Variants in PRR33 observed in about 807,000 individuals in gnomAD.
PRR33 encodes proline rich 33, also known as proline-rich protein 33.
In PRR33, 1 loss-of-function variant was observed where a neutral mutation model predicts 0.5. That is an observed-to-expected ratio of 2.18 (90% CI 0.77 to 10.34). The LOEUF is 10.34. Among genes scored for constraint, PRR33 ranks in the 30% most tolerant of loss-of-function variants. PRR33 has a pLI of 0.13. For synonymous variants in PRR33, 226 were observed against 110.0 expected (o/e 2.06, Z -6.60); for missense variants, 552 against 251.8 (o/e 2.19, Z -8.07).
At chr11:1,893,912 G>A (rs1426952969), upstream of PRR33, among the ~76,000 whole-genome samples, 1 of 151,728 alleles carries the variant, frequency 6.6e-6, no homozygotes, top group Non-Finnish European at 1.5e-5. Context: ...TGAATGGAGA[G>A]ATGGATGAGT....
At chr11:1,889,032 C>G in exon 1 of PRR33, 1 of 574,100 alleles carries the variant, frequency 1.7e-6, no homozygotes, top group Non-Finnish European at 3.1e-6. Context: ...GCACCCCATG[C>G]CCCTTGGGCC....
exon 1 of PRR33, chr11:1,890,416 C>G (rs868443930): frequency 1.4e-6 from 1 of 717,180 alleles, no homozygotes; most frequent in Middle Eastern, 2.3e-4. Flanking sequence ...CTGGGTGGAG[C>G]GAGGTGTGTG....
the PRR33 span, chr11:1,889,314 TC>T: frequency 5.7e-6 from 4 of 706,732 alleles, no homozygotes; most frequent in East Asian, 2.7e-5. Context: ...TGGGGTGTGC[TC>T]CCCACCGCTG....
At chr11:1,908,483 T>C in the PRR33 span, among the ~76,000 whole-genome samples, 28 of 152,310 alleles carry the variant, frequency 1.8e-4, no homozygotes, top group East Asian at 3.9e-3. Context: ...TTCAAGTTTG[T>C]CATTTTCTTG....
chr11:1,915,401 CTGTG>C, the PRR33 span, among the ~76,000 whole-genome samples: 6 of 124,208 alleles, frequency 4.8e-5, no homozygotes, highest in African/African-American at 1.3e-4. Context: ...GTGTGTGTGT[CTGTG>C]TGTGTATGTT....
chr11:1,912,811 T>G, the PRR33 span, among the ~76,000 whole-genome samples: 3 of 152,168 alleles, frequency 2.0e-5, no homozygotes, highest in Non-Finnish European at 4.4e-5. Flanking sequence ...TTTGCCATGT[T>G]GCCCAGACTG....
At chr11:1,897,671 C>T in the PRR33 span, among the ~76,000 whole-genome samples, 2 of 152,174 alleles carry the variant, frequency 1.3e-5, no homozygotes, top group Admixed American at 1.3e-4. This position sits in a 1 kb window ranked among gnomAD's most constrained non-coding sequence, Gnocchi z 4.0. Context: ...GCCTTAGGGC[C>T]TTGGCACCAC....
At chr11:1,890,609 C>A in exon 1 of PRR33, 1 of 696,850 alleles carries the variant, frequency 1.4e-6, no homozygotes, top group South Asian at 1.5e-5. Flanking sequence ...GTGGGAGGGA[C>A]AGTGGTCAGG....
chr11:1,897,944 A>G, the PRR33 span, among the ~76,000 whole-genome samples: 1 of 152,218 alleles, frequency 6.6e-6, no homozygotes, highest in Non-Finnish European at 1.5e-5. This position sits in a 1 kb window ranked among gnomAD's most constrained non-coding sequence, Gnocchi z 4.0. Context: ...GGTCCCATGA[A>G]GCAAACCAAC....
At chr11:1,910,126 T>G in the PRR33 span, among the ~76,000 whole-genome samples, 13 of 152,328 alleles carry the variant, frequency 8.5e-5, no homozygotes, top group African/African-American at 2.6e-4. Context: ...TCCATTCTCC[T>G]CTTGGTGAAT....
the PRR33 span, among the ~76,000 whole-genome samples, chr11:1,917,160 T>C: frequency 6.6e-6 from 1 of 152,328 alleles, no homozygotes; most frequent in Non-Finnish European, 1.5e-5. Flanking sequence ...TGGCAGTGAT[T>C]GAGCCCACAG....
chr11:1,899,222 G>A, the PRR33 span, among the ~76,000 whole-genome samples: 1 of 152,160 alleles, frequency 6.6e-6, no homozygotes, highest in Non-Finnish European at 1.5e-5. Context: ...CTTCTGGGGA[G>A]AAACTTCCCT....
chr11:1,912,511 G>A, the PRR33 span, among the ~76,000 whole-genome samples: 9 of 152,010 alleles, frequency 5.9e-5, no homozygotes, highest in Non-Finnish European at 1.0e-4. Flanking sequence ...TCCTCTTTTC[G>A]TCGACATTGC....
At chr11:1,903,596 T>C in the PRR33 span, among the ~76,000 whole-genome samples, 1 of 152,228 alleles carries the variant, frequency 6.6e-6, no homozygotes, top group Admixed American at 6.5e-5. Context: ...TGGTGTTCAC[T>C]TGGAACATCC....
chr11:1,909,909 G>A, the PRR33 span, among the ~76,000 whole-genome samples: 1 of 152,230 alleles, frequency 6.6e-6, no homozygotes, highest in Non-Finnish European at 1.5e-5. Flanking sequence ...ATAAGTGTGT[G>A]TTCTGTATAT....
At chr11:1,909,917 T>C in the PRR33 span, among the ~76,000 whole-genome samples, 1 of 152,250 alleles carries the variant, frequency 6.6e-6, no homozygotes, top group Non-Finnish European at 1.5e-5. Flanking sequence ...GTGTTCTGTA[T>C]ATCCAGGTGC....
chr11:1,898,098 C>T, the PRR33 span, among the ~76,000 whole-genome samples: 1 of 152,208 alleles, frequency 6.6e-6, no homozygotes, highest in Non-Finnish European at 1.5e-5. Context: ...GGCAACGGCA[C>T]AGACGCTCCT....
At chr11:1,896,633 C>A (rs1199557586), upstream of PRR33, among the ~76,000 whole-genome samples, 2 of 151,988 alleles carry the variant, frequency 1.3e-5, no homozygotes, top group Non-Finnish European at 2.9e-5. Flanking sequence ...GCTTTTATTT[C>A]TTTTGGGGGC....
chr11:1,893,233 G>T (rs1849067816), upstream of PRR33, among the ~76,000 whole-genome samples: 3 of 144,224 alleles, frequency 2.1e-5, no homozygotes, highest in South Asian at 4.9e-4. Context: ...CAGGTGAATG[G>T]ATGGGTAGGT....
Sources: gnomAD v4.1 joint callset for allele counts (sites outside exome capture counted in the v4.1 genomes callset) on GRCh38, gnomAD v4.1.1 for gene constraint, Gnocchi (gnomAD v3.1) non-coding constraint, MANE v1.5 for transcripts, NCBI Gene and HGNC (gene_info 2026-07-23, HGNC 2026-07-21) for gene names.